NUP155: variants seen among roughly 807,000 people sequenced by gnomAD.
NUP155 encodes the protein nuclear pore complex protein Nup155.
A neutral mutation model predicts 180.4 loss-of-function variants in NUP155; 71 were observed. The observed-to-expected ratio is 0.39, with a 90% CI of 0.33 to 0.48. NUP155 has a LOEUF of 0.48. Ranked by LOEUF, NUP155 falls within the 20% of genes least tolerant of loss-of-function variation. NUP155 has a pLI of 0.91. For synonymous variants in NUP155, 582 were observed against 559.5 expected (o/e 1.04, Z -0.57); for missense variants, 1,553 against 1,648.9 (o/e 0.94, Z 1.01).
At chr5:37,342,921 G>C (rs1002479574) in intron 9 of NUP155, among the ~76,000 whole-genome samples, 8 of 152,178 alleles carry the variant, frequency 5.3e-5, no homozygotes, top group African/African-American at 1.9e-4. Flanking sequence ...GTTGTTAGTA[G>C]AGACAGGGTT....
At chr5:37,312,639 G>A (rs1743597547) in intron 22 of NUP155, among the ~76,000 whole-genome samples, 1 of 152,082 alleles carries the variant, frequency 6.6e-6, no homozygotes, top group African/African-American at 2.4e-5. Context: ...TCCAGCCTAG[G>A]AGATACGGTG....
chr5:37,303,149 T>C (rs1742957959), intron 28 of NUP155, 111 bp downstream of exon 28: 1 of 1,262,876 alleles, frequency 7.9e-7, no homozygotes, highest in South Asian at 1.3e-5. Flanking sequence ...ATTTAAAAAA[T>C]TTAGGTCAGT....
intron 23 of NUP155, among the ~76,000 whole-genome samples, chr5:37,310,291 A>C (rs1040348969): frequency 2.6e-4 from 39 of 152,312 alleles, no homozygotes; most frequent in African/African-American, 8.2e-4. Flanking sequence ...ACAGCACTGC[A>C]CTACAGCCTA....
chr5:37,293,485 A>G (rs1742341513), intron 33 of NUP155, among the ~76,000 whole-genome samples: 1 of 152,214 alleles, frequency 6.6e-6, no homozygotes, highest in African/African-American at 2.4e-5. Flanking sequence ...TTACCTGCTC[A>G]TTTCCATCAC....
At chr5:37,295,175 T>TCA (rs1561763651) in intron 32 of NUP155, among the ~76,000 whole-genome samples, 10 of 152,082 alleles carry the variant, frequency 6.6e-5, no homozygotes, top group Admixed American at 6.6e-4. Flanking sequence ...GCCTGCCGAG[T>TCA]GCCTGCGATT....
At chr5:37,295,281 G>A (rs181948947) in intron 32 of NUP155, among the ~76,000 whole-genome samples, 4,282 of 152,228 alleles carry the variant, frequency 0.028, 94 homozygotes, top group Non-Finnish European at 0.041. Context: ...GCTCCTAACC[G>A]CGAGTGATCC....
chr5:37,310,491 T>C, intron 23 of NUP155, 61 bp downstream of exon 23: 2 of 1,364,026 alleles, frequency 1.5e-6, no homozygotes, highest in East Asian at 2.3e-5. Flanking sequence ...TGAAACAAGA[T>C]GGTTCATCAT....
intron 9 of NUP155, among the ~76,000 whole-genome samples, chr5:37,348,133 T>G (rs13154937): frequency 0.17 from 26,317 of 151,598 alleles, 2,674 homozygotes; most frequent in East Asian, 0.3. Context: ...AAACTCCATC[T>G]CAAAAAAAAT....
intron 5 of NUP155, among the ~76,000 whole-genome samples, chr5:37,352,341 G>C (rs1040927332): frequency 6.6e-6 from 1 of 151,938 alleles, no homozygotes; most frequent in African/African-American, 2.4e-5. Context: ...CCGGGCGACA[G>C]TGCAAGACTC....
At chr5:37,292,158 A>C in intron 34 of NUP155, 120 bp from the exon 35 acceptor site, 1 of 899,302 alleles carries the variant, frequency 1.1e-6, no homozygotes, top group Non-Finnish European at 1.8e-6. Flanking sequence ...CCATGTGATT[A>C]AGTAAATAAG....
At chr5:37,353,254 A>G (rs1376000633) in intron 4 of NUP155, among the ~76,000 whole-genome samples, 5 of 151,806 alleles carry the variant, frequency 3.3e-5, no homozygotes, top group Non-Finnish European at 1.5e-5. Flanking sequence ...AAAATGACAT[A>G]TATATATATA....
At chr5:37,325,581 C>T (rs1744539719) in intron 19 of NUP155, among the ~76,000 whole-genome samples, 1 of 151,704 alleles carries the variant, frequency 6.6e-6, no homozygotes, top group African/African-American at 2.4e-5. Context: ...CTGGCCTGGG[C>T]AACATGGTGA....
rs1318888192 is a variant in NUP155 at position 37,327,576 on chromosome 5, T to C, written c.2024+53A>G. On this transcript the variant is annotated intron_variant, in intron 18 of 34. Coordinates refer to ENST00000231498, the MANE Select transcript of NUP155 (RefSeq NM_153485.3). ...AAATTCAGAGTTAAAAATATTTAACTACTCAAGATGGGACAAGGTGAGCAA... is the reference window on the plus strand; with the variant it reads ...AAATTCAGAGTTAAAAATATTTAACCACTCAAGATGGGACAAGGTGAGCAA... The C allele has an allele frequency of 8.1e-6, 13 of 1,595,762 alleles. No homozygotes were observed. The East Asian group carries it at 2.7e-4, about 33-fold the overall frequency.
At chr5:37,355,520 G>T (rs1254699841) in intron 4 of NUP155, among the ~76,000 whole-genome samples, 1 of 150,590 alleles carries the variant, frequency 6.6e-6, no homozygotes, top group East Asian at 2.0e-4. Flanking sequence ...AAAAAAAAAA[G>T]TACGGTTAAA....
In NUP155 at chr5:37,304,927, A is replaced by G. The variant is rs543121328; in HGVS notation, c.3058-84T>C. On this transcript the variant is annotated intron_variant, in intron 26 of 34. Transcript: ENST00000231498. ...ACCCTTTAGCCCTATAAACTCCAGT[A>G]AGAAATCAAGAATCCTTACATGATA... is the stretch of plus-strand genomic sequence containing the variant. The G allele has an allele frequency of 6.0e-6, 9 of 1,497,310 alleles. No individual in the cohort carries two copies. The Admixed American group carries it at 1.3e-4, about 22-fold the overall frequency. The allele number at this position is 1,497,310 out of a possible 1,614,324, so 92.8% of individuals were successfully genotyped here.
intron 17 of NUP155, 61 bp downstream of exon 17, chr5:37,328,297 G>A (rs983007877): frequency 8.4e-7 from 1 of 1,192,682 alleles, no homozygotes; most frequent in Non-Finnish European, 1.2e-6. Flanking sequence ...TAAGCATTAA[G>A]GTTAACTCAT....
At chr5:37,334,882 C>G (rs996527787) in intron 12 of NUP155, among the ~76,000 whole-genome samples, 1 of 151,974 alleles carries the variant, frequency 6.6e-6, no homozygotes, top group Non-Finnish European at 1.5e-5. Context: ...TTTACTGGCT[C>G]GGCGAGGTGG....
chr5:37,365,711 GAGAAAAAA>G (rs1428412920), intron 1 of NUP155, among the ~76,000 whole-genome samples: 15 of 34,016 alleles, frequency 4.4e-4, no homozygotes, highest in East Asian at 3.6e-3. Context: ...CTGTCTCGGG[GAGAAAAAA>G]AAAAAAAAAA....
chr5:37,371,063 C>A lies in NUP155; in HGVS notation c.-86G>T. ...GATCCAAGAAGTTAGCTTAGATCCG[C>A]CGCCTAGGGCGCGCGCGCCAAACGA... On this transcript the variant is annotated 5_prime_UTR_variant, in exon 1 of 35. Coordinates refer to ENST00000231498, the MANE Select transcript of NUP155 (RefSeq NM_153485.3). 6.9e-7 allele frequency: 1 copy of A among 1,440,982 alleles called. No homozygotes were observed. Among genetic ancestry groups the A allele is most frequent in the Admixed American group, 1.9e-5 (1 of 53,798 alleles). The allele number at this position is 1,440,982 out of a possible 1,614,324, so 89.3% of individuals were successfully genotyped here.
Sources: allele counts gnomAD v4.1 joint callset (sites outside exome capture counted in the v4.1 genomes callset), GRCh38; gene constraint gnomAD v4.1.1; transcripts MANE v1.5; gene names NCBI Gene and HGNC (gene_info 2026-07-23, HGNC 2026-07-21).